The following RAB35 variants were observed in gnomAD, a reference collection of about 807,000 sequenced individuals.
RAB35 encodes ras-related protein Rab-35.
Under a neutral mutation model 28.9 loss-of-function variants are expected in RAB35, and 4 were observed. The observed-to-expected ratio is 0.14, with a 90% CI of 0.07 to 0.32. The LOEUF (loss-of-function observed/expected upper bound fraction) is 0.32. RAB35 is among the 10% of genes least tolerant of loss of function. The probability of loss-of-function intolerance (pLI) is 1.00; values close to 1 mark genes in which losing one functional copy is unlikely to be tolerated. For synonymous variants in RAB35, 99 were observed against 105.1 expected (o/e 0.94, Z 0.35); for missense variants, 128 against 274.0 (o/e 0.47, Z 3.76).
chr12:120,103,490 A>T lies in RAB35; in HGVS notation c.227+336T>A, dbSNP rs993832040. ...GTCCTGGGTGGGCAAGGCACTTCGCAACCCCCTAGCGAGGCAAATGCTATT... is the reference window on the plus strand; with the variant it reads ...GTCCTGGGTGGGCAAGGCACTTCGCTACCCCCTAGCGAGGCAAATGCTATT... On this transcript the variant is annotated intron_variant, in intron 3 of 5. Transcript: ENST00000229340. The surrounding 1 kb of genome is among the most constrained non-coding windows in gnomAD (Gnocchi z 6.1). 6.6e-6 allele frequency among the ~76,000 whole-genome samples: 1 copy of T among 152,204 alleles called. No homozygotes were observed. The highest frequency in any genetic ancestry group is 1.5e-5 in the Non-Finnish European group (1 of 68,046).
At chr12:120,105,083 T>C (rs1875816516) in intron 2 of RAB35, among the ~76,000 whole-genome samples, 1 of 151,952 alleles carries the variant, frequency 6.6e-6, no homozygotes, top group East Asian at 1.9e-4. Context: ...CACAATTATG[T>C]GAAATGTGGC....
chr12:120,102,754 G>T lies in RAB35; in HGVS notation c.227+1072C>A, dbSNP rs1031409299. Reference sequence around the variant, plus strand: ...GGGGCAGCCAGCCTGGGGAGTGCCGGGCTTTCATGCTGTGGGAAGGAAGGG... The same window carrying T: ...GGGGCAGCCAGCCTGGGGAGTGCCGTGCTTTCATGCTGTGGGAAGGAAGGG... On this transcript the variant is annotated intron_variant, in intron 3 of 5. Coordinates refer to ENST00000229340, the MANE Select transcript of RAB35 (RefSeq NM_006861.7). Among the ~76,000 whole-genome samples, 5 of 152,184 alleles carry T rather than the reference G, an allele frequency of 3.3e-5. No individual in the cohort carries two copies. The East Asian group carries it at 9.6e-4, about 29-fold the overall frequency.
At chr12:120,098,473 G>A (rs919289873) in intron 5 of RAB35, among the ~76,000 whole-genome samples, 6 of 152,378 alleles carry the variant, frequency 3.9e-5, no homozygotes, top group Non-Finnish European at 7.3e-5. Context: ...AGCACAAGGC[G>A]GCCAATGAGG....
chr12:120,104,113 C>T (rs963941096), intron 2 of RAB35, among the ~76,000 whole-genome samples, 164 bp from the exon 3 acceptor site: 1 of 152,148 alleles, frequency 6.6e-6, no homozygotes, highest in African/African-American at 2.4e-5. Flanking sequence ...TCCTTGTTCA[C>T]AAGGCCCCTC....
At chr12:120,114,508 G>A (rs1876250882) in intron 1 of RAB35, among the ~76,000 whole-genome samples, 1 of 152,252 alleles carries the variant, frequency 6.6e-6, no homozygotes, top group East Asian at 1.9e-4. Context: ...CAGTTCAGGG[G>A]AGTGTGTAAT....
chr12:120,098,392 C>T (rs980642802), intron 5 of RAB35, among the ~76,000 whole-genome samples: 5 of 152,248 alleles, frequency 3.3e-5, no homozygotes, highest in African/African-American at 9.6e-5. Context: ...GAGCCTGTGC[C>T]CGCTGCTGTG....
At chr12:120,114,824 G>A (rs896758759) in intron 1 of RAB35, among the ~76,000 whole-genome samples, 1 of 152,220 alleles carries the variant, frequency 6.6e-6, no homozygotes, top group Non-Finnish European at 1.5e-5. Flanking sequence ...TCTTCCTGCT[G>A]AGTTTAGGCT....
intron 2 of RAB35, 90 bp downstream of exon 2, chr12:120,108,327 A>G: frequency 7.5e-7 from 1 of 1,329,060 alleles, no homozygotes; most frequent in Non-Finnish European, 1.1e-6. Flanking sequence ...TCCCAACATC[A>G]GGCAGAGGCA....
At position 120,096,651 on chromosome 12, in the gene RAB35, G is replaced by A; in HGVS notation, c.*594C>T. On this transcript the variant is annotated 3_prime_UTR_variant, in exon 6 of 6. Coordinates refer to ENST00000229340, the MANE Select transcript of RAB35 (RefSeq NM_006861.7). ...GACCAGGTTCCCCAGCTCCCAGAAT[G>A]GCTGTGGGGACAGGACAACGGGGAG... 1 of 1,289,898 alleles carries A rather than the reference G, an allele frequency of 7.8e-7. No individual in the cohort carries two copies. 79.9% of individuals were successfully genotyped at this position (1,289,898 alleles called of 1,614,324 possible). A position where few individuals can be genotyped will look rare whatever the true frequency, so the allele number is the denominator to read the frequency against.
chr12:120,099,124 C>A lies in RAB35; in HGVS notation c.258G>T (p.Val86=), dbSNP rs774968288. The A allele has an allele frequency of 6.2e-7, 1 of 1,614,268 alleles. No individual in the cohort carries two copies. ...ACTCGGCACTGGTGACGTCGTAAACCACAATGACCCCGTGGGTCCCCCGAT... is the reference window on the plus strand; with the variant it reads ...ACTCGGCACTGGTGACGTCGTAAACAACAATGACCCCGTGGGTCCCCCGAT... ...TYYRGTHGVI[V]VYDVTSAESF... Residue 86 remains valine, a synonymous_variant, in exon 4 of 6, where the codon GTG becomes GTT. Transcript: ENST00000229340.
At chr12:120,097,730 G>C (rs1594236258) in intron 5 of RAB35, among the ~76,000 whole-genome samples, 1 of 152,224 alleles carries the variant, frequency 6.6e-6, no homozygotes, top group East Asian at 1.9e-4. Flanking sequence ...CTGGATGACA[G>C]AGTTAGACCC....
At chr12:120,111,715 C>A (rs1271256406) in intron 1 of RAB35, among the ~76,000 whole-genome samples, 1 of 151,928 alleles carries the variant, frequency 6.6e-6, no homozygotes, top group Non-Finnish European at 1.5e-5. Context: ...AGAAAGACCA[C>A]AACCATCACC....
chr12:120,109,735 C>T (rs1391401003), intron 1 of RAB35, among the ~76,000 whole-genome samples: 1 of 150,812 alleles, frequency 6.6e-6, no homozygotes, highest in African/African-American at 2.4e-5. Flanking sequence ...AACTTCTGGC[C>T]TCAAGCAACC....
At chr12:120,112,891 A>T (rs1050388181) in intron 1 of RAB35, among the ~76,000 whole-genome samples, 4 of 136,660 alleles carry the variant, frequency 2.9e-5, no homozygotes, top group African/African-American at 5.4e-5. Flanking sequence ...CGCCCAACTG[A>T]TTTTTTTTTT....
chr12:120,099,252 G>T (rs2139049099), intron 3 of RAB35, 98 bp from the exon 4 acceptor site: 1 of 1,515,012 alleles, frequency 6.6e-7, no homozygotes, highest in Non-Finnish European at 9.0e-7. Flanking sequence ...CCCGGAAAAG[G>T]TGAGGGTGGC....
At chr12:120,108,338 A>C (rs1875973655) in intron 2 of RAB35, 79 bp downstream of exon 2, 1 of 1,428,068 alleles carries the variant, frequency 7.0e-7, no homozygotes, top group Non-Finnish European at 9.8e-7. Flanking sequence ...GGCAGAGGCA[A>C]CTCTGTTTGG....
intron 5 of RAB35, among the ~76,000 whole-genome samples, chr12:120,097,852 G>C (rs1875488649): frequency 6.6e-6 from 1 of 150,824 alleles, no homozygotes; most frequent in African/African-American, 2.4e-5. Flanking sequence ...CTTTTAGAGA[G>C]ACCAACCCCT....
intron 2 of RAB35, among the ~76,000 whole-genome samples, chr12:120,104,343 T>C (rs1384772599): frequency 6.6e-6 from 1 of 152,036 alleles, no homozygotes; most frequent in African/African-American, 2.4e-5. Context: ...CAAAAAAAAT[T>C]TAGGGCCCTC....
At chr12:120,110,969 G>A (rs946362253) in intron 1 of RAB35, among the ~76,000 whole-genome samples, 2 of 151,490 alleles carry the variant, frequency 1.3e-5, no homozygotes, top group African/African-American at 2.4e-5. Context: ...CACTGGCCTC[G>A]CCGCCTCCTC....
Sources: gnomAD v4.1 joint callset for allele counts (sites outside exome capture counted in the v4.1 genomes callset) on GRCh38, gnomAD v4.1.1 for gene constraint, Gnocchi (gnomAD v3.1) non-coding constraint, MANE v1.5 for transcripts, NCBI Gene and HGNC (gene_info 2026-07-23, HGNC 2026-07-21) for gene names.